The following MAPK10 variants were observed in gnomAD, a reference collection of about 807,000 sequenced individuals.
The protein encoded by MAPK10 is mitogen-activated protein kinase 10, also known as JNK3 alpha protein kinase.
In MAPK10, 25 loss-of-function variants were observed where a neutral mutation model predicts 59.3. That is an observed-to-expected ratio of 0.42 (90% CI 0.31 to 0.59). The LOEUF (loss-of-function observed/expected upper bound fraction) is 0.59. Among genes scored for constraint, MAPK10 ranks in the 20% least tolerant of loss-of-function variants. The probability of loss-of-function intolerance (pLI) is 0.15; values close to 1 mark genes in which losing one functional copy is unlikely to be tolerated. For missense variants in MAPK10, 351 were observed against 568.9 expected, an observed-to-expected ratio of 0.62 and a Z score of 3.90; for synonymous variants, 190 against 200.5, an observed-to-expected ratio of 0.95 and a Z score of 0.44.
chr4:86,529,544 T>C (rs904489581), intron 1 of MAPK10, among the ~76,000 whole-genome samples: 1 of 152,218 alleles, frequency 6.6e-6, no homozygotes, highest in Non-Finnish European at 1.5e-5. Context: ...ACAAAATGTC[T>C]GTTTATTTTT....
chr4:86,134,460 A>C (rs1469727376), intron 4 of MAPK10, among the ~76,000 whole-genome samples: 2 of 152,236 alleles, frequency 1.3e-5, no homozygotes, highest in Admixed American at 6.5e-5. Context: ...ACTGCATTAA[A>C]GTCTCCACCC....
chr4:86,406,198 T>G (rs1744339025), intron 1 of MAPK10, among the ~76,000 whole-genome samples: 1 of 152,168 alleles, frequency 6.6e-6, no homozygotes. Context: ...AGCCTTCCAA[T>G]AGCTTACAGC....
chr4:86,026,699 A>G, intron 13 of MAPK10: 1 of 152,236 alleles, frequency 6.6e-6, no homozygotes, highest in East Asian at 1.9e-4. Context: ...TGTTATAAAA[A>G]TACCACAGCT....
intron 2 of MAPK10, among the ~76,000 whole-genome samples, chr4:86,347,676 T>C (rs928352205): frequency 1.3e-5 from 2 of 152,172 alleles, no homozygotes; most frequent in African/African-American, 2.4e-5. Flanking sequence ...CCGGTGTCTG[T>C]TGAGGTTTCG....
intron 2 of MAPK10, among the ~76,000 whole-genome samples, chr4:86,250,906 A>G (rs59666499): frequency 0.029 from 4,410 of 152,292 alleles, 149 homozygotes; most frequent in African/African-American, 0.081. Flanking sequence ...ATGTTGTAAC[A>G]GTTGAAATCA....
chr4:86,071,805 T>C (rs200031012), intron 9 of MAPK10, among the ~76,000 whole-genome samples: 982 of 127,824 alleles, frequency 7.7e-3, no homozygotes, highest in South Asian at 0.013. Flanking sequence ...CCTTGTAGTA[T>C]AGTTTGAAGT....
At chr4:86,286,714 G>A (rs1346208213) in intron 2 of MAPK10, among the ~76,000 whole-genome samples, 1 of 152,146 alleles carries the variant, frequency 6.6e-6, no homozygotes, top group Non-Finnish European at 1.5e-5. Flanking sequence ...CAAAATGAGG[G>A]CAGTGTGCAA....
At chr4:86,143,781 T>G (rs1489097161) in intron 4 of MAPK10, among the ~76,000 whole-genome samples, 1 of 152,194 alleles carries the variant, frequency 6.6e-6, no homozygotes, top group Non-Finnish European at 1.5e-5. Context: ...TCATTGCATA[T>G]GAGGAAATAC....
At chr4:86,287,746 T>C (rs1274480788) in intron 2 of MAPK10, among the ~76,000 whole-genome samples, 1 of 152,204 alleles carries the variant, frequency 6.6e-6, no homozygotes, top group Middle Eastern at 3.2e-3. Flanking sequence ...CAAGTTAGGA[T>C]AATGTTCAAT....
intron 1 of MAPK10, among the ~76,000 whole-genome samples, chr4:86,549,118 T>C (rs1300347115): frequency 6.6e-6 from 1 of 151,882 alleles, no homozygotes; most frequent in Non-Finnish European, 1.5e-5. Context: ...TTATATATTA[T>C]TAAACATCAA....
At chr4:86,135,156 T>G (rs1007451692) in intron 4 of MAPK10, among the ~76,000 whole-genome samples, 1 of 152,174 alleles carries the variant, frequency 6.6e-6, no homozygotes, top group African/African-American at 2.4e-5. Context: ...CAAAGCACCC[T>G]AGAAGCTCCA....
At chr4:86,306,961 T>C (rs1160844592) in intron 2 of MAPK10, among the ~76,000 whole-genome samples, 1 of 152,174 alleles carries the variant, frequency 6.6e-6, no homozygotes, top group African/African-American at 2.4e-5. Flanking sequence ...TTAGAGTCTA[T>C]AATTCAAGCA....
At chr4:86,265,714 G>A (rs948083453) in intron 2 of MAPK10, among the ~76,000 whole-genome samples, 2 of 152,100 alleles carry the variant, frequency 1.3e-5, no homozygotes, top group African/African-American at 4.8e-5. Context: ...AATGCTTAGG[G>A]TCCCATTTAA....
chr4:86,081,186 A>C (rs554169164), intron 9 of MAPK10: 1 of 152,176 alleles, frequency 6.6e-6, no homozygotes, highest in South Asian at 2.1e-4. Context: ...TAAGTTAGTC[A>C]ATAAATGAAA....
chr4:86,557,714 A>G (rs1027775092), intron 1 of MAPK10, among the ~76,000 whole-genome samples: 1 of 152,136 alleles, frequency 6.6e-6, no homozygotes, highest in Non-Finnish European at 1.5e-5. Context: ...TATAGAGTGT[A>G]GAGGTGACTG....
intron 3 of MAPK10, among the ~76,000 whole-genome samples, chr4:86,166,649 CT>C (rs1400169634): frequency 6.6e-6 from 1 of 152,074 alleles, no homozygotes; most frequent in Non-Finnish European, 1.5e-5. Context: ...GATATTTTTC[CT>C]TAGTTTTCAT....
At chr4:86,227,594 C>A (rs1243640516) in intron 2 of MAPK10, among the ~76,000 whole-genome samples, 1 of 151,980 alleles carries the variant, frequency 6.6e-6, no homozygotes, top group African/African-American at 2.4e-5. Flanking sequence ...ACGTCAATTA[C>A]AAGATAGGAG....
intron 3 of MAPK10, chr4:86,191,907 A>T (rs1265622466): frequency 6.6e-6 from 1 of 152,132 alleles, no homozygotes; most frequent in Middle Eastern, 3.4e-3. Context: ...AGTGGCTGGT[A>T]CCAACTGTTC....
intron 4 of MAPK10, among the ~76,000 whole-genome samples, chr4:86,151,765 T>C (rs2066532060): frequency 6.6e-6 from 1 of 152,082 alleles, no homozygotes; most frequent in South Asian, 2.1e-4. Flanking sequence ...GAAGGGAGAA[T>C]GTTAACATGA....
Sources: allele counts gnomAD v4.1 joint callset (sites outside exome capture counted in the v4.1 genomes callset), GRCh38; gene constraint gnomAD v4.1.1; transcripts MANE v1.5; gene names NCBI Gene and HGNC (gene_info 2026-07-23, HGNC 2026-07-21).